The following RNF213 variants were observed in gnomAD, a reference collection of about 807,000 sequenced individuals.
RNF213 encodes ring finger protein 213.
Under a neutral mutation model 514.4 loss-of-function variants are expected in RNF213, and 341 were observed. The ratio of observed to expected loss-of-function variants is 0.66; its 90% CI spans 0.61 to 0.73. RNF213 has a LOEUF of 0.73. Ranked by LOEUF, RNF213 falls within the 30% of genes least tolerant of loss-of-function variation. The pLI is 0.00. For missense variants in RNF213, 5,767 were observed against 6,615.6 expected, an observed-to-expected ratio of 0.87 and a Z score of 4.45; for synonymous variants, 2,655 against 2,658.2, an observed-to-expected ratio of 1.00 and a Z score of 0.04.
intron 55 of RNF213, 149 bp from the exon 56 acceptor site, chr17:80,380,682 T>C: frequency 1.1e-6 from 1 of 941,890 alleles, no homozygotes; most frequent in Non-Finnish European, 1.7e-6. Context: ...GAGAGACTCT[T>C]AGGAACATGG....
chr17:80,381,178 C>G, intron 56 of RNF213, 191 bp downstream of exon 56: 1 of 673,850 alleles, frequency 1.5e-6, no homozygotes, highest in African/African-American at 1.8e-5. Context: ...GGGAACTACT[C>G]CCCAGATTAT....
rs146548999 is a variant in RNF213, at chr17:80,351,767, G to C, written c.10267G>C (p.Val3423Leu). 74 of 1,611,800 alleles carry C rather than the reference G, an allele frequency of 4.6e-5. No individual in the cohort carries two copies. In the Middle Eastern group the frequency reaches 2.0e-3, roughly 43 times the overall value. ...FVYFITKLSR[V>L]GRGTAYVGFH... ...CTATTTCATCACAAAACTGTCCCGG[G>C]TGGGAAGAGGAACAGCCTATGTGGG... Residue 3423 changes from valine (V) to leucine (L), a missense_variant, in exon 32 of 68, where the codon GTG (valine) becomes CTG (leucine). Val to Leu is a conservative substitution (Grantham distance 32, BLOSUM62 1). Transcript: ENST00000582970.
At position 80,351,712 on chromosome 17, in the gene RNF213, A is replaced by G. The variant is rs777391459; in HGVS notation, c.10212A>G (p.Lys3404=). The stretch of plus-strand genomic sequence containing the variant: ...ATTCTGTTATAAATGAAATCAACAA[A>G]ATACGAGAAAATGAGGACCGTATCT... ...AKYSVINEIN[K]IRENEDRIFV... is the part of the protein sequence containing the mutation. Residue 3404 remains lysine, a synonymous_variant, in exon 32 of 68, where the codon AAA becomes AAG. Coordinates refer to ENST00000582970, the MANE Select transcript of RNF213 (RefSeq NM_001256071.3). The G allele has an allele frequency of 6.2e-7, 1 of 1,607,632 alleles. No homozygotes were observed. The highest frequency in any genetic ancestry group is 2.2e-5 in the East Asian group (1 of 44,868).
rs1322965617 is a variant in RNF213 at position 80,369,854 on chromosome 17, C to T, written c.12412C>T (p.Leu4138Phe). 6.2e-7 allele frequency: 1 copy of T among 1,608,424 alleles called. No individual in the cohort carries two copies. Among genetic ancestry groups the T allele is most frequent in the Non-Finnish European group, 8.5e-7 (1 of 1,175,114 alleles). ...CATCCGCTCAGTGATACTGAAACTG[C>T]TTTTGAAGTACAGGTAAGAACAACA... ...PVIRSVILKL[L>F]LKYSFHDVKD... The change falls in exon 46 of 68, where the codon CTT becomes TTT. Residue 4138 changes from leucine to phenylalanine, a missense_variant. Coordinates refer to ENST00000582970, the MANE Select transcript of RNF213 (RefSeq NM_001256071.3).
intron 11 of RNF213, among the ~76,000 whole-genome samples, chr17:80,298,966 G>A (rs897498278): frequency 1.3e-5 from 2 of 152,144 alleles, no homozygotes; most frequent in African/African-American, 2.4e-5. Context: ...GCGACAGAGC[G>A]AGACTCTGTC....
At chr17:80,367,896 C>T (rs1737612577) in intron 43 of RNF213, 48 bp downstream of exon 43, 6 of 1,613,158 alleles carry the variant, frequency 3.7e-6, no homozygotes, top group Non-Finnish European at 5.1e-6. Flanking sequence ...CTGAACCTCT[C>T]GTGGTTTTCA....
In RNF213 at chr17:80,363,674, TC is replaced by T; in HGVS notation, c.11638del (p.Gln3880ArgfsTer7). 1 of 1,614,044 alleles carries T rather than the reference TC, an allele frequency of 6.2e-7. No individual in the cohort carries two copies. The stretch of plus-strand genomic sequence containing the variant: ...TGACAAGAAACACCCTGAAGCCCAG[TC>T]CCCAGGCGTGGCTACAGTTGGTGAA... Reference protein sequence around the residue: ...MLTRNTLKPSPQAWLQLVKNL... With the variant: ...MLTRNTLKPSXQAWLQLVKNL... On this transcript the variant is annotated frameshift_variant, in exon 41 of 68. Coordinates refer to ENST00000582970, the MANE Select transcript of RNF213 (RefSeq NM_001256071.3). LOFTEE classifies it high-confidence loss of function.
intron 14 of RNF213, among the ~76,000 whole-genome samples, chr17:80,312,121 C>A (rs370784460): frequency 8.2e-4 from 124 of 151,640 alleles, no homozygotes; most frequent in Admixed American, 5.9e-4. Context: ...GAGTGAGACT[C>A]TGTCTCAAAA....
intron 2 of RNF213, among the ~76,000 whole-genome samples, chr17:80,272,929 G>A (rs539235944): frequency 3.9e-5 from 6 of 152,158 alleles, no homozygotes; most frequent in Admixed American, 2.0e-4. Context: ...AGAGGTGCCC[G>A]AGGTGCGCTG....
At chr17:80,349,949 C>A (rs370379930) in intron 30 of RNF213, 43 bp downstream of exon 30, 2 of 1,611,610 alleles carry the variant, frequency 1.2e-6, no homozygotes, top group African/African-American at 2.7e-5. Flanking sequence ...CCTCCCCAGC[C>A]GCAGCCGTGT....
chr17:80,274,338 G>T (rs956920551), intron 3 of RNF213, among the ~76,000 whole-genome samples: 1 of 151,400 alleles, frequency 6.6e-6, no homozygotes, highest in African/African-American at 2.4e-5. Flanking sequence ...ACTAGGCGAG[G>T]CTTTCGAGGG....
Position 80,317,217 on chromosome 17 carries a change from C to T in RNF213, c.2841C>T (p.Phe947=), listed in dbSNP as rs147309852. ...GGAGGCGGCTGGTGGAAATCCAATT[C>T]CCCGCGGAGCATGGCTGGAAGGAGT... The part of the protein sequence containing the change: ...EVWRRLVEIQ[F]PAEHGWKESL... Residue 947 remains phenylalanine (F), a synonymous_variant, in exon 16 of 68, where the codon TTC becomes TTT. Transcript: ENST00000582970. The surrounding 1 kb of genome is among the most constrained non-coding windows in gnomAD (Gnocchi z 4.1). 15 of 1,612,682 alleles carry T rather than the reference C, an allele frequency of 9.3e-6. No individual in the cohort carries two copies. Among genetic ancestry groups the T allele is most frequent in the African/African-American group, 4.0e-5 (3 of 75,022 alleles).
chr17:80,267,946 A>C (rs367895356), intron 2 of RNF213, among the ~76,000 whole-genome samples: 2 of 151,762 alleles, frequency 1.3e-5, no homozygotes, highest in African/African-American at 2.4e-5. Context: ...CAGCCTCCCA[A>C]GTAGCTGGGA....
chr17:80,355,671 CA>C (rs577320102), intron 36 of RNF213, among the ~76,000 whole-genome samples: 145 of 10,600 alleles, frequency 0.014, 31 homozygotes, highest in African/African-American at 0.017. Flanking sequence ...TGGGGGCTTA[CA>C]GGGGGAAGAA....
At chr17:80,338,090 T>C in intron 25 of RNF213, 93 bp downstream of exon 25, 1 of 1,457,166 alleles carries the variant, frequency 6.9e-7, no homozygotes, top group Non-Finnish European at 9.3e-7. Context: ...GGATTTGACT[T>C]GGGATTTGAC....
rs2080156998 is a variant in RNF213 at position 80,384,548 on chromosome 17, A to C, written c.14323-491A>C. 2.0e-5 allele frequency among the ~76,000 whole-genome samples: 3 copies of C among 152,342 alleles called. No individual in the cohort carries two copies. In the South Asian group the frequency reaches 6.2e-4, roughly 32 times the overall value. On this transcript the variant is annotated intron_variant, in intron 59 of 67. Transcript: ENST00000582970. ...GACGAGTTGGAAACTTCTGTTGGTC[A>C]GTTGAGGAGTATGAGTTCACAATGA... is the stretch of plus-strand genomic sequence containing the variant.
At position 80,363,682 on chromosome 17, in the gene RNF213, C is replaced by G; in HGVS notation, c.11642C>G (p.Ala3881Gly). The G allele has an allele frequency of 6.2e-7, 1 of 1,614,064 alleles. No individual in the cohort carries two copies. The highest frequency in any genetic ancestry group is 8.5e-7 in the Non-Finnish European group (1 of 1,180,014). Residue 3881 changes from alanine (A) to glycine (G), a missense_variant, in exon 41 of 68, where the codon GCG becomes GGG. Around this residue, in one of 13 missense-constraint regions of RNF213, gnomAD observed 355 missense variants for 358.0 expected, o/e 0.99. Transcript: ENST00000582970. ...TRNTLKPSPQ[A>G]WLQLVKNLSM... ...AACACCCTGAAGCCCAGTCCCCAGG[C>G]GTGGCTACAGTTGGTGAAGAATCTT... is the stretch of plus-strand genomic sequence containing the variant.
At chr17:80,313,906 T>TGAA (rs2045700893) in intron 15 of RNF213, among the ~76,000 whole-genome samples, 1 of 21,548 alleles carries the variant, frequency 4.6e-5, no homozygotes, top group African/African-American at 3.0e-4. Flanking sequence ...ATGGTGGTGG[T>TGAA]GGTGGTGATG....
At chr17:80,335,976 C>CAAAA (rs11340394) in intron 22 of RNF213, among the ~76,000 whole-genome samples, 185 bp from the exon 23 acceptor site, 18 of 118,424 alleles carry the variant, frequency 1.5e-4, no homozygotes, top group Admixed American at 3.6e-4. Flanking sequence ...GACTCTGTCT[C>CAAAA]AAAAAAAAAA....
Sources: allele counts gnomAD v4.1 joint callset (sites outside exome capture counted in the v4.1 genomes callset), GRCh38; gene constraint gnomAD v4.1.1; regional missense constraint gnomAD v4.1.1; non-coding constraint Gnocchi (gnomAD v3.1); transcripts MANE v1.5; gene names NCBI Gene and HGNC (gene_info 2026-07-23, HGNC 2026-07-21).